Variants in POLD1 observed in about 807,000 individuals in gnomAD.
POLD1 encodes the protein DNA polymerase delta 1, catalytic subunit, also known as DNA polymerase delta catalytic subunit.
POLD1 carries 79 observed loss-of-function variants against 129.7 expected under a neutral mutation model. That is an observed-to-expected ratio of 0.61 (90% CI 0.51 to 0.73). POLD1 has a LOEUF of 0.73. POLD1 is among the 30% of genes least tolerant of loss of function. The pLI, the probability that POLD1 is intolerant of heterozygous loss-of-function variation, is 0.00. For synonymous variants in POLD1, 714 were observed against 683.3 expected, an observed-to-expected ratio of 1.04 and a Z score of -0.70; for missense variants, 1,338 against 1,595.8, an observed-to-expected ratio of 0.84 and a Z score of 2.75.
At chr19:50,391,635 G>A (rs914555094) in intron 1 of POLD1, among the ~76,000 whole-genome samples, 12 of 150,066 alleles carry the variant, frequency 8.0e-5, no homozygotes, top group African/African-American at 1.5e-4. Flanking sequence ...GCCGTGAGCC[G>A]AGATGGCGGC....
At chr19:50,389,656 G>A (rs1264904374) in intron 1 of POLD1, among the ~76,000 whole-genome samples, 1 of 149,674 alleles carries the variant, frequency 6.7e-6, no homozygotes, top group Non-Finnish European at 1.5e-5. Context: ...GCACTATCTC[G>A]GCTCACTGCA....
intron 3 of POLD1, 57 bp from the exon 4 acceptor site, chr19:50,401,721 A>G (rs2122230944): frequency 6.3e-7 from 1 of 1,591,360 alleles, no homozygotes; most frequent in Non-Finnish European, 8.6e-7. Flanking sequence ...GGCTGTGGAG[A>G]CACACCTTGG....
At chr19:50,395,622 C>T (rs2038331950) in intron 1 of POLD1, among the ~76,000 whole-genome samples, 1 of 152,012 alleles carries the variant, frequency 6.6e-6, no homozygotes, top group Non-Finnish European at 1.5e-5. Context: ...CACCTGCACG[C>T]CCTTTGCCCA....
chr19:50,398,304 ACTCAGGCCTGTAAT>A (rs998572815), intron 1 of POLD1, among the ~76,000 whole-genome samples: 14 of 151,884 alleles, frequency 9.2e-5, no homozygotes, highest in Non-Finnish European at 1.8e-4. Flanking sequence ...GGGCGCGGAG[ACTCAGGCCTGTAAT>A]CTCAGCACTT....
intron 1 of POLD1, among the ~76,000 whole-genome samples, chr19:50,394,413 A>G (rs1452869549): frequency 2.0e-5 from 3 of 152,144 alleles, no homozygotes; most frequent in Non-Finnish European, 2.9e-5. Context: ...GCACTTTGGG[A>G]GGCCGAGGCG....
rs199792522 is a variant in POLD1 at position 50,399,048 on chromosome 19, C to T, written c.197C>T (p.Ala66Val). The T allele has an allele frequency of 1.3e-6, 2 of 1,552,826 alleles. No homozygotes were observed. Among genetic ancestry groups the T allele is most frequent in the South Asian group, 2.4e-5 (2 of 84,126 alleles). The change falls in exon 2 of 27, where the codon GCA becomes GTA. Residue 66 changes from alanine to valine, a missense_variant. This residue lies in a region of POLD1 where 332 missense variants were observed against 315.7 expected (regional missense o/e 1.05). Coordinates refer to ENST00000440232, the MANE Select transcript of POLD1 (RefSeq NM_002691.4). ...EELQSVLEGV[A>V]DGQVPPSAID... Reference sequence around the variant, plus strand: ...CTGCAGTCAGTCCTGGAGGGGGTTGCAGACGGTAAGGCTTGGAGTTGGAGG... The same window carrying T: ...CTGCAGTCAGTCCTGGAGGGGGTTGTAGACGGTAAGGCTTGGAGTTGGAGG...
At chr19:50,416,300 A>C (rs1216025234) in intron 22 of POLD1, 96 bp from the exon 23 acceptor site, 35 of 1,268,054 alleles carry the variant, frequency 2.8e-5, no homozygotes, top group Non-Finnish European at 3.7e-5. Context: ...GCCCGCAGGC[A>C]GGCCTAGGCC....
rs1340276098 is a variant in POLD1 at position 50,402,467 on chromosome 19, A to G, written c.772A>G (p.Thr258Ala). ...AGCCCCCTCCAGGTTCATGGTGGACACGGACATCGTCGGCTGCAACTGGCT... is the reference window on the plus strand; with the variant it reads ...AGCCCCCTCCAGGTTCATGGTGGACGCGGACATCGTCGGCTGCAACTGGCT... ...VDFEIRFMVDTDIVGCNWLEL... is the reference protein window; with the variant it reads ...VDFEIRFMVDADIVGCNWLEL... Residue 258 changes from threonine to alanine, a missense_variant, in exon 7 of 27, where the codon ACG (threonine) becomes GCG (alanine). By Grantham distance (58) the Thr-to-Ala change is moderately conservative (BLOSUM62 0). Coordinates refer to ENST00000440232, the MANE Select transcript of POLD1 (RefSeq NM_002691.4). The G allele has an allele frequency of 1.2e-6, 2 of 1,612,898 alleles. No individual in the cohort carries two copies. Among genetic ancestry groups the G allele is most frequent in the South Asian group, 1.1e-5 (1 of 90,800 alleles).
intron 3 of POLD1, 98 bp downstream of exon 3, chr19:50,399,582 G>A (rs2038507720): frequency 1.2e-6 from 1 of 855,226 alleles, no homozygotes; most frequent in South Asian, 1.5e-5. Flanking sequence ...CTGGGGCAGA[G>A]GCCGGGCCAG....
At chr19:50,411,579 G>A (rs1351424968) in intron 17 of POLD1, among the ~76,000 whole-genome samples, 2 of 152,216 alleles carry the variant, frequency 1.3e-5, no homozygotes, top group African/African-American at 4.8e-5. Flanking sequence ...GGTGGCTCAC[G>A]CCTGTAACCC....
intron 1 of POLD1, among the ~76,000 whole-genome samples, chr19:50,386,166 G>T (rs1041347523): frequency 6.6e-6 from 1 of 151,958 alleles, no homozygotes; most frequent in Admixed American, 6.6e-5. Context: ...TTGAGACAGG[G>T]TCTTGCTCTG....
chr19:50,404,646 G>A (rs1203814732), intron 10 of POLD1, among the ~76,000 whole-genome samples: 1 of 113,686 alleles, frequency 8.8e-6, no homozygotes, highest in Non-Finnish European at 1.7e-5. Context: ...TGGCACGATC[G>A]AGGCTCACTG....
intron 20 of POLD1, 75 bp downstream of exon 20, chr19:50,415,065 G>A (rs2039227956): frequency 7.5e-7 from 1 of 1,328,488 alleles, no homozygotes; most frequent in Non-Finnish European, 9.9e-7. Context: ...AGGAGTCTAG[G>A]CCCCAGCCCC....
Position 50,413,411 on chromosome 19 carries a change from T to G in POLD1, c.2155-15T>G. The G allele has an allele frequency of 6.2e-7, 1 of 1,610,572 alleles. No individual in the cohort carries two copies. The highest frequency in any genetic ancestry group is 8.5e-7 in the Non-Finnish European group (1 of 1,178,042). On this transcript the variant is annotated splice_polypyrimidine_tract_variant and intron_variant, in intron 17 of 26. Transcript: ENST00000440232. ...GCCCCCAGGGCTTCACTCCGCATGA[T>G]TCTCTCCCCGACAGAGCGTCACGGG... is the stretch of plus-strand genomic sequence containing the variant.
intron 1 of POLD1, among the ~76,000 whole-genome samples, chr19:50,390,793 G>C (rs1386435674): frequency 1.3e-5 from 2 of 152,052 alleles, no homozygotes; most frequent in African/African-American, 4.8e-5. Context: ...GGAGCATGCT[G>C]CCTTCAAGCA....
At chr19:50,408,695 T>A in intron 14 of POLD1, 90 bp from the exon 15 acceptor site, 1 of 1,546,638 alleles carries the variant, frequency 6.5e-7, no homozygotes, top group South Asian at 1.2e-5. Context: ...GAATGATTTT[T>A]TTTTTTTAAA....
In POLD1 at chr19:50,402,443, G is replaced by T. The variant is rs2038686313; in HGVS notation, c.759-11G>T. On this transcript the variant is annotated splice_polypyrimidine_tract_variant and intron_variant, in intron 6 of 26. Coordinates refer to ENST00000440232, the MANE Select transcript of POLD1 (RefSeq NM_002691.4). ...GGCAGCCCCTGTCCACTGACCCCCA[G>T]CCCCCTCCAGGTTCATGGTGGACAC... 1.2e-6 allele frequency: 2 copies of T among 1,612,584 alleles called. No individual in the cohort carries two copies. Among genetic ancestry groups the T allele is most frequent in the Non-Finnish European group, 8.5e-7 (1 of 1,179,372 alleles).
intron 1 of POLD1, among the ~76,000 whole-genome samples, chr19:50,385,736 C>A (rs1296649275): frequency 2.0e-5 from 3 of 151,994 alleles, no homozygotes; most frequent in Non-Finnish European, 4.4e-5. Flanking sequence ...GCCGTGTTGG[C>A]CAGGCTGGTC....
At position 50,402,173 on chromosome 19, in the gene POLD1, C is replaced by A. The variant is rs532449316; in HGVS notation, c.590-32C>A. 1.7e-4 allele frequency: 266 copies of A among 1,588,420 alleles called. 2 individuals carry two copies. The South Asian group carries it at 2.8e-3, about 17-fold the overall frequency. Reference sequence around the variant, plus strand: ...GGGTTGGAGGGTCCCCTCGGGAGGCCATTGGCTGGTCCCAGCTTCTTCCAT... The same window carrying A: ...GGGTTGGAGGGTCCCCTCGGGAGGCAATTGGCTGGTCCCAGCTTCTTCCAT... On this transcript the variant is annotated intron_variant, in intron 5 of 26. Transcript: ENST00000440232.
Sources: gnomAD v4.1 joint callset for allele counts (sites outside exome capture counted in the v4.1 genomes callset) on GRCh38, gnomAD v4.1.1 for gene constraint, gnomAD v4.1.1 regional missense constraint, MANE v1.5 for transcripts, NCBI Gene and HGNC (gene_info 2026-07-23, HGNC 2026-07-21) for gene names.